Variants in TAS2R1 observed in about 807,000 individuals in gnomAD.
TAS2R1 encodes the protein taste 2 receptor member 1.
For synonymous variants in TAS2R1, 141 were observed against 134.2 expected (o/e 1.05, Z -0.35); for missense variants, 370 against 353.4 (o/e 1.05, Z -0.38).
chr5:9,864,308 A>G, the TAS2R1 span, among the ~76,000 whole-genome samples: 2 of 152,184 alleles, frequency 1.3e-5, no homozygotes, highest in African/African-American at 4.8e-5. Flanking sequence ...TAACTTTAGC[A>G]GAAGTTTCCC....
the TAS2R1 span, among the ~76,000 whole-genome samples, chr5:9,843,634 C>T: frequency 6.6e-6 from 1 of 152,178 alleles, no homozygotes; most frequent in African/African-American, 2.4e-5. Context: ...GAAGGGTAAA[C>T]CACGAAAAAT....
At chr5:9,837,876 A>T in the TAS2R1 span, among the ~76,000 whole-genome samples, 1 of 152,194 alleles carries the variant, frequency 6.6e-6, no homozygotes, top group African/African-American at 2.4e-5. Context: ...CCTGGTATAT[A>T]GTAGGTTCAC....
At chr5:9,669,863 G>C (rs1201470941) in intron 1 of TAS2R1, among the ~76,000 whole-genome samples, 1 of 151,952 alleles carries the variant, frequency 6.6e-6, no homozygotes, top group Non-Finnish European at 1.5e-5. Context: ...AGAGAAACAA[G>C]ACTGAACCAC....
the TAS2R1 span, among the ~76,000 whole-genome samples, chr5:9,777,399 C>T: frequency 1.3e-5 from 2 of 152,226 alleles, no homozygotes; most frequent in Admixed American, 6.5e-5. Flanking sequence ...TGTGCTCATT[C>T]GTAAGAAGCA....
At chr5:9,853,394 G>T in the TAS2R1 span, among the ~76,000 whole-genome samples, 1 of 152,292 alleles carries the variant, frequency 6.6e-6, no homozygotes, top group Admixed American at 6.5e-5. Flanking sequence ...CCAATTAAGG[G>T]GTAGATTATT....
the TAS2R1 span, among the ~76,000 whole-genome samples, chr5:9,728,681 C>CA: frequency 6.6e-6 from 1 of 152,166 alleles, no homozygotes; most frequent in African/African-American, 2.4e-5. Context: ...GCCCATTTCC[C>CA]AGATGAGCTG....
At chr5:9,850,317 T>G in the TAS2R1 span, among the ~76,000 whole-genome samples, 14 of 152,220 alleles carry the variant, frequency 9.2e-5, no homozygotes, top group Admixed American at 9.2e-4. Context: ...GTCAAATCCA[T>G]CTACATTATC....
intron 1 of TAS2R1, among the ~76,000 whole-genome samples, chr5:9,685,598 C>A (rs1741108691): frequency 6.6e-6 from 1 of 152,114 alleles, no homozygotes; most frequent in African/African-American, 2.4e-5. Context: ...TAAGTTTAGG[C>A]AGGCTGAGGA....
the TAS2R1 span, among the ~76,000 whole-genome samples, chr5:9,796,721 G>A: frequency 0.67 from 66,029 of 99,198 alleles, 18,790 homozygotes; most frequent in African/African-American, 0.77. Context: ...CTATTTTCTG[G>A]AAAAAAAAAA....
the TAS2R1 span, among the ~76,000 whole-genome samples, chr5:9,738,671 G>T: frequency 1.3e-5 from 2 of 152,100 alleles, no homozygotes; most frequent in Admixed American, 1.3e-4. Flanking sequence ...TAGTGATGGG[G>T]AATAGCAGTT....
At chr5:9,713,388 T>C (rs953185260), upstream of TAS2R1, among the ~76,000 whole-genome samples, 1 of 152,148 alleles carries the variant, frequency 6.6e-6, no homozygotes, top group Non-Finnish European at 1.5e-5. Context: ...TTTCTGGGCT[T>C]CTGGCAAAGC....
intron 1 of TAS2R1, among the ~76,000 whole-genome samples, chr5:9,699,976 C>A (rs556308029): frequency 6.6e-6 from 1 of 152,076 alleles, no homozygotes; most frequent in East Asian, 1.9e-4. Flanking sequence ...TCCCAAAGTT[C>A]TTCAGAAAAA....
At chr5:9,738,196 G>T in the TAS2R1 span, among the ~76,000 whole-genome samples, 5 of 152,192 alleles carry the variant, frequency 3.3e-5, no homozygotes, top group East Asian at 9.7e-4. Flanking sequence ...TAATTCCCAG[G>T]AAATTATACT....
chr5:9,739,747 G>T, the TAS2R1 span, among the ~76,000 whole-genome samples: 1 of 152,158 alleles, frequency 6.6e-6, no homozygotes, highest in African/African-American at 2.4e-5. Flanking sequence ...TTCTTTTAAA[G>T]CCTGGTGGCA....
At chr5:9,785,003 T>A in the TAS2R1 span, among the ~76,000 whole-genome samples, 1 of 152,048 alleles carries the variant, frequency 6.6e-6, no homozygotes, top group African/African-American at 2.4e-5. Context: ...CAGAACAGTA[T>A]CCCATGTTAA....
the TAS2R1 span, among the ~76,000 whole-genome samples, chr5:9,809,205 T>C: frequency 6.6e-6 from 1 of 152,164 alleles, no homozygotes; most frequent in Non-Finnish European, 1.5e-5. Context: ...AGACTTTAAA[T>C]TTTAGAGCTG....
At chr5:9,680,889 C>T (rs1740980937) in intron 1 of TAS2R1, among the ~76,000 whole-genome samples, 1 of 151,702 alleles carries the variant, frequency 6.6e-6, no homozygotes, top group South Asian at 2.1e-4. Flanking sequence ...CCTGTCTCTA[C>T]TAAAAATAAA....
chr5:9,745,858 C>T, the TAS2R1 span, among the ~76,000 whole-genome samples: 1 of 152,080 alleles, frequency 6.6e-6, no homozygotes, highest in Non-Finnish European at 1.5e-5. Flanking sequence ...TAGGCATGGG[C>T]AAACACTTCA....
At chr5:9,796,730 AAAAAAAAAAG>A in the TAS2R1 span, among the ~76,000 whole-genome samples, 666 of 150,600 alleles carry the variant, frequency 4.4e-3, 7 homozygotes, top group African/African-American at 0.016. Context: ...GGAAAAAAAA[AAAAAAAAAAG>A]AAAAGAAAAA....
Sources: allele counts gnomAD v4.1 joint callset (sites outside exome capture counted in the v4.1 genomes callset), GRCh38; gene constraint gnomAD v4.1.1; transcripts MANE v1.5; gene names NCBI Gene and HGNC (gene_info 2026-07-23, HGNC 2026-07-21).